GREM2: variants seen among roughly 807,000 people sequenced by gnomAD.
The protein encoded by GREM2 is gremlin-2.
Under a neutral mutation model 14.2 loss-of-function variants are expected in GREM2, and 11 were observed. That is an observed-to-expected ratio of 0.78 (90% CI 0.49 to 1.28). The LOEUF is 1.28. Ranked by LOEUF, GREM2 falls within the 50% of genes most tolerant of loss-of-function variation. The pLI is 0.00. For missense variants in GREM2, 210 were observed against 218.5 expected (o/e 0.96, Z 0.24); for synonymous variants, 98 against 97.6 (o/e 1.00, Z -0.02).
At chr1:240,611,069 C>CAA (rs1418625510) in intron 1 of GREM2, among the ~76,000 whole-genome samples, 4 of 87,642 alleles carry the variant, frequency 4.6e-5, no homozygotes, top group Admixed American at 1.1e-4. Flanking sequence ...ACCCACACCT[C>CAA]AAAATAAAAA....
At chr1:240,551,757 T>C (rs1043356135) in intron 1 of GREM2, among the ~76,000 whole-genome samples, 4 of 152,204 alleles carry the variant, frequency 2.6e-5, no homozygotes, top group African/African-American at 9.6e-5. Flanking sequence ...TTATTTTCTT[T>C]CTTTTTGCCT....
chr1:240,507,062 G>A (rs1302840642), intron 1 of GREM2, among the ~76,000 whole-genome samples: 1 of 152,222 alleles, frequency 6.6e-6, no homozygotes, highest in Non-Finnish European at 1.5e-5. Flanking sequence ...ATCGGAGGAA[G>A]AGCTGGTTTT....
rs189613599 is a variant in GREM2 at position 240,514,107 on chromosome 1, C to T, written c.-1-20631G>A. On this transcript the variant is annotated intron_variant, in intron 1 of 1. Transcript: ENST00000318160. ...CAAAAAAATACAAAAATTAGCCAGG[C>T]GTGGTGGCATGCATCTGTAACCCCA... Among the ~76,000 whole-genome samples the T allele has an allele frequency of 1.0e-2, 1,514 of 151,898 alleles. 11 individuals are homozygous for T. Among genetic ancestry groups the T allele is most frequent in the Non-Finnish European group, 0.013 (862 of 67,938 alleles).
At chr1:240,559,619 C>T (rs1262734055) in intron 1 of GREM2, among the ~76,000 whole-genome samples, 2 of 152,168 alleles carry the variant, frequency 1.3e-5, no homozygotes, top group Admixed American at 1.3e-4. Context: ...CCTGGGATTA[C>T]AGGCCTAAGC....
chr1:240,538,721 A>AAAAC (rs113236615), intron 1 of GREM2, among the ~76,000 whole-genome samples: 7 of 152,124 alleles, frequency 4.6e-5, no homozygotes, highest in African/African-American at 1.7e-4. Context: ...GATACTGTCA[A>AAAAC]AAACAAACAA....
intron 1 of GREM2, among the ~76,000 whole-genome samples, chr1:240,584,120 A>G (rs1449683121): frequency 6.6e-6 from 1 of 152,190 alleles, no homozygotes; most frequent in East Asian, 1.9e-4. Context: ...AAAAAAAGAA[A>G]GCAATGACTA....
At chr1:240,503,047 G>T (rs1026940057) in intron 1 of GREM2, among the ~76,000 whole-genome samples, 1 of 152,164 alleles carries the variant, frequency 6.6e-6, no homozygotes, top group Non-Finnish European at 1.5e-5. Context: ...GATGACTGAG[G>T]CTTTAGCAGC....
At chr1:240,601,606 A>C (rs1679925672) in intron 1 of GREM2, among the ~76,000 whole-genome samples, 1 of 152,180 alleles carries the variant, frequency 6.6e-6, no homozygotes, top group Admixed American at 6.5e-5. Flanking sequence ...ACAAAAGCTT[A>C]TTAAGATATT....
chr1:240,576,819 C>T (rs938325069), intron 1 of GREM2, among the ~76,000 whole-genome samples: 1 of 152,046 alleles, frequency 6.6e-6, no homozygotes, highest in African/African-American at 2.4e-5. Context: ...TAAACTGAGT[C>T]GAGGTTTATT....
At chr1:240,555,985 C>T (rs1678947319) in intron 1 of GREM2, among the ~76,000 whole-genome samples, 1 of 152,154 alleles carries the variant, frequency 6.6e-6, no homozygotes, top group African/African-American at 2.4e-5. Flanking sequence ...AGCTTTCCAA[C>T]ACCTCTTTAC....
At chr1:240,513,359 G>A (rs1321162653) in intron 1 of GREM2, among the ~76,000 whole-genome samples, 3 of 151,962 alleles carry the variant, frequency 2.0e-5, no homozygotes, top group Admixed American at 6.6e-5. Flanking sequence ...GGCGGATCGC[G>A]AGGTCAAGAG....
intron 1 of GREM2, among the ~76,000 whole-genome samples, chr1:240,554,102 T>C: frequency 6.6e-6 from 1 of 152,080 alleles, no homozygotes; most frequent in Non-Finnish European, 1.5e-5. Context: ...TTTTATTATT[T>C]ATTTATTAGT....
At chr1:240,531,711 CTTCT>C in intron 1 of GREM2, 2 of 867,188 alleles carry the variant, frequency 2.3e-6, no homozygotes, top group Non-Finnish European at 2.6e-6. Flanking sequence ...TCTTTTTCTT[CTTCT>C]TTTTTTTTTT....
chr1:240,553,732 A>T (rs994768901), intron 1 of GREM2, among the ~76,000 whole-genome samples: 7 of 152,214 alleles, frequency 4.6e-5, no homozygotes, highest in African/African-American at 1.7e-4. Flanking sequence ...TCCAAAGCAG[A>T]ATTCATATTC....
intron 1 of GREM2, among the ~76,000 whole-genome samples, chr1:240,519,554 CG>C (rs1678032049): frequency 6.6e-6 from 1 of 151,974 alleles, no homozygotes; most frequent in Admixed American, 6.6e-5. Flanking sequence ...ACGGTATTCA[CG>C]TAACATTTTT....
At chr1:240,584,729 C>T (rs769425810) in intron 1 of GREM2, among the ~76,000 whole-genome samples, 55 of 151,700 alleles carry the variant, frequency 3.6e-4, no homozygotes, top group Non-Finnish European at 5.0e-4. Flanking sequence ...AAATAAAAAG[C>T]AATGCAGTAT....
Position 240,502,584 on chromosome 1 carries a change from T to A in GREM2, c.-1-9108A>T, listed in dbSNP as rs549259947. Among the ~76,000 whole-genome samples, 208 of 152,208 alleles carry A rather than the reference T, an allele frequency of 1.4e-3. 2 individuals carry two copies. The highest frequency in any genetic ancestry group is 4.8e-3 in the African/African-American group (198 of 41,538). On this transcript the variant is annotated intron_variant, in intron 1 of 1. Transcript: ENST00000318160. ...CCTCTACTCAACTGCCTATCAAACA[T>A]TCCCCAAATGTCCTGTAGGCACCTC... is the stretch of plus-strand genomic sequence containing the variant.
chr1:240,537,785 A>AAAACAAGC (rs1678505200), intron 1 of GREM2, among the ~76,000 whole-genome samples: 1 of 151,296 alleles, frequency 6.6e-6, no homozygotes, highest in South Asian at 2.1e-4. Flanking sequence ...CTCTGTCTCA[A>AAAACAAGC]AAACAAACAA....
intron 1 of GREM2, among the ~76,000 whole-genome samples, chr1:240,585,591 G>C (rs978246024): frequency 6.6e-6 from 1 of 151,700 alleles, no homozygotes; most frequent in South Asian, 2.1e-4. Flanking sequence ...TTAGCCAGGC[G>C]TGGTGGCGGG....
Sources: allele counts gnomAD v4.1 joint callset (sites outside exome capture counted in the v4.1 genomes callset), GRCh38; gene constraint gnomAD v4.1.1; transcripts MANE v1.5; gene names NCBI Gene and HGNC (gene_info 2026-07-23, HGNC 2026-07-21).